PTPN9: variants seen among roughly 807,000 people sequenced by gnomAD.
PTPN9 encodes tyrosine-protein phosphatase non-receptor type 9.
PTPN9 carries 26 observed loss-of-function variants against 69.8 expected under a neutral mutation model. The ratio of observed to expected loss-of-function variants is 0.37; its 90% CI spans 0.27 to 0.52. The LOEUF (loss-of-function observed/expected upper bound fraction) is 0.52. Ranked by LOEUF, PTPN9 falls within the 20% of genes least tolerant of loss-of-function variation. PTPN9 has a pLI of 0.91. For missense variants in PTPN9, 549 were observed against 740.3 expected (o/e 0.74, Z 3.00); for synonymous variants, 274 against 272.5 (o/e 1.01, Z -0.05).
intron 4 of PTPN9, among the ~76,000 whole-genome samples, chr15:75,518,174 C>T (rs1444945711): frequency 6.6e-6 from 1 of 152,050 alleles, no homozygotes; most frequent in Non-Finnish European, 1.5e-5. Context: ...GAATTTGAGA[C>T]CAGGCTGGGC....
intron 1 of PTPN9, among the ~76,000 whole-genome samples, chr15:75,557,176 G>T (rs984831417): frequency 7.9e-5 from 12 of 152,220 alleles, no homozygotes; most frequent in African/African-American, 2.9e-4. Flanking sequence ...TGTAATCCCA[G>T]CACTTTGGGA....
rs902102568 is a variant in PTPN9, at chr15:75,470,014, G to C, written c.1360-15C>G. ...TTCTGCCGTTCCTTAGATAAGAAAAGAAGTAAACGTTAACAAGGTTATTTC... is the reference window on the plus strand; with the variant it reads ...TTCTGCCGTTCCTTAGATAAGAAAACAAGTAAACGTTAACAAGGTTATTTC... On this transcript the variant is annotated splice_polypyrimidine_tract_variant and intron_variant, in intron 11 of 12. Coordinates refer to ENST00000618819, the MANE Select transcript of PTPN9 (RefSeq NM_002833.4). 19 of 1,594,818 alleles carry C rather than the reference G, an allele frequency of 1.2e-5. No individual in the cohort carries two copies. The highest frequency in any genetic ancestry group is 2.2e-5 in the East Asian group (1 of 44,772).
chr15:75,482,934 G>A (rs754462103), intron 8 of PTPN9, among the ~76,000 whole-genome samples: 5 of 151,180 alleles, frequency 3.3e-5, no homozygotes, highest in Non-Finnish European at 5.9e-5. Flanking sequence ...CAGCCTGAGC[G>A]ACAGAGCGAG....
chr15:75,544,369 C>T (rs889790216), intron 1 of PTPN9, among the ~76,000 whole-genome samples: 7 of 152,118 alleles, frequency 4.6e-5, no homozygotes, highest in African/African-American at 1.4e-4. Flanking sequence ...CCAATCTCCA[C>T]AACATATGAA....
chr15:75,540,912 T>A (rs1033378663), intron 1 of PTPN9, among the ~76,000 whole-genome samples: 1 of 147,652 alleles, frequency 6.8e-6, no homozygotes, highest in Non-Finnish European at 1.5e-5. Context: ...ACCTCGTCTC[T>A]AAAAAAAAAA....
chr15:75,565,079 C>T lies in PTPN9; in HGVS notation c.63+13635G>A, dbSNP rs568660689. 2.2e-3 allele frequency among the ~76,000 whole-genome samples: 326 copies of T among 148,422 alleles called. 2 individuals carry two copies. The highest frequency in any genetic ancestry group is 7.4e-3 in the African/African-American group (302 of 40,564). On this transcript the variant is annotated intron_variant, in intron 1 of 12. Coordinates refer to ENST00000618819, the MANE Select transcript of PTPN9 (RefSeq NM_002833.4). ...TTCTACCACTGCACTCCAGCCTGGG[C>T]GACAGAAAAAGACTCCGTCTCAAAA...
chr15:75,491,816 A>G lies in PTPN9; in HGVS notation c.969-1515T>C, dbSNP rs546717103. Among the ~76,000 whole-genome samples, 290 of 152,330 alleles carry G rather than the reference A, an allele frequency of 1.9e-3. 2 individuals are homozygous for G. Among genetic ancestry groups the G allele is most frequent in the Non-Finnish European group, 3.3e-3 (227 of 68,032 alleles). Reference sequence around the variant, plus strand: ...GGAGAGAAGGGGAGAGAAATGGGGTATACCACCAAAAAACTCCAGCTGCAG... The same window carrying G: ...GGAGAGAAGGGGAGAGAAATGGGGTGTACCACCAAAAAACTCCAGCTGCAG... On this transcript the variant is annotated intron_variant, in intron 7 of 12. Transcript: ENST00000618819.
intron 5 of PTPN9, among the ~76,000 whole-genome samples, chr15:75,510,946 C>G (rs1176856769): frequency 6.6e-6 from 1 of 152,102 alleles, no homozygotes; most frequent in Admixed American, 6.6e-5. Context: ...TTTAGGTCCT[C>G]GTATTATTGG....
chr15:75,468,760 G>A lies in PTPN9; in HGVS notation c.*9C>T, dbSNP rs73436856. 2,708 of 1,612,076 alleles carry A rather than the reference G, an allele frequency of 1.7e-3. 28 individuals carry two copies. The African/African-American group carries it at 0.026, about 15-fold the overall frequency. ...AGGCTGGCCAACAGGTAGGAGGTTC[G>A]TAGGAGAGTTACTGACTCTCCACGG... On this transcript the variant is annotated 3_prime_UTR_variant, in exon 13 of 13. Coordinates refer to ENST00000618819, the MANE Select transcript of PTPN9 (RefSeq NM_002833.4).
chr15:75,574,288 A>C (rs1188921486), intron 1 of PTPN9, among the ~76,000 whole-genome samples: 1 of 136,566 alleles, frequency 7.3e-6, no homozygotes, highest in Non-Finnish European at 1.6e-5. Context: ...CTGTCTCCAC[A>C]AAAAAAAAAA....
At chr15:75,527,291 G>C in intron 1 of PTPN9, 30 bp from the exon 2 acceptor site, 1 of 1,610,838 alleles carries the variant, frequency 6.2e-7, no homozygotes, top group Non-Finnish European at 8.5e-7. Flanking sequence ...AGAATAATTA[G>C]TAAGAAGAGA....
At chr15:75,499,665 AAG>A (rs2074762643) in intron 7 of PTPN9, among the ~76,000 whole-genome samples, 1 of 151,682 alleles carries the variant, frequency 6.6e-6, no homozygotes, top group Non-Finnish European at 1.5e-5. Flanking sequence ...CAACCTCCCA[AAG>A]TGCTGCGATT....
intron 7 of PTPN9, among the ~76,000 whole-genome samples, chr15:75,502,052 G>A (rs977247893): frequency 6.6e-6 from 1 of 152,068 alleles, no homozygotes; most frequent in Non-Finnish European, 1.5e-5. Flanking sequence ...AGCTACTCAG[G>A]AGGCTGAAGT....
intron 1 of PTPN9, among the ~76,000 whole-genome samples, chr15:75,575,854 G>C (rs773851778): frequency 1.8e-4 from 27 of 146,318 alleles, no homozygotes; most frequent in Non-Finnish European, 3.3e-4. Context: ...AGGAGGTGGA[G>C]CTTGCAGTGA....
intron 4 of PTPN9, 46 bp downstream of exon 4, chr15:75,523,075 T>C: frequency 6.2e-7 from 1 of 1,602,038 alleles, no homozygotes; most frequent in Non-Finnish European, 8.5e-7. Flanking sequence ...AACTGTCACT[T>C]TCCTACCTGC....
At chr15:75,576,700 C>T (rs1481329421) in intron 1 of PTPN9, among the ~76,000 whole-genome samples, 2 of 151,272 alleles carry the variant, frequency 1.3e-5, no homozygotes, top group African/African-American at 2.4e-5. Flanking sequence ...CCCAGCTGCT[C>T]GGGAGGCTGA....
chr15:75,541,164 T>C (rs141945245), intron 1 of PTPN9, among the ~76,000 whole-genome samples: 4 of 151,898 alleles, frequency 2.6e-5, no homozygotes, highest in Non-Finnish European at 5.9e-5. Context: ...CATAGCTCAG[T>C]GTAACCTTGA....
chr15:75,575,105 C>G (rs1188278166), intron 1 of PTPN9, among the ~76,000 whole-genome samples: 4 of 37,492 alleles, frequency 1.1e-4, no homozygotes, highest in South Asian at 8.8e-4. Flanking sequence ...TCCCGAGTAG[C>G]TGGGACTACA....
intron 1 of PTPN9, among the ~76,000 whole-genome samples, chr15:75,555,518 A>T (rs924354484): frequency 1.3e-5 from 2 of 151,546 alleles, no homozygotes; most frequent in South Asian, 2.1e-4. Context: ...TATTATTATT[A>T]TTTTTGAGAC....
Sources: allele counts gnomAD v4.1 joint callset (sites outside exome capture counted in the v4.1 genomes callset), GRCh38; gene constraint gnomAD v4.1.1; transcripts MANE v1.5; gene names NCBI Gene and HGNC (gene_info 2026-07-23, HGNC 2026-07-21).